The following KIF26B variants were observed in gnomAD, a reference collection of about 807,000 sequenced individuals.
The protein encoded by KIF26B is kinesin family member 26B, also known as kinesin-like protein KIF26B.
Under a neutral mutation model 151.2 loss-of-function variants are expected in KIF26B, and 63 were observed. That is an observed-to-expected ratio of 0.42 (90% CI 0.34 to 0.51). The LOEUF (loss-of-function observed/expected upper bound fraction) is 0.51, where lower values mean the gene tolerates loss of function less well. Ranked by LOEUF, KIF26B falls within the 20% of genes least tolerant of loss-of-function variation. The pLI is 0.07. For synonymous variants in KIF26B, 1,357 were observed against 1,262.1 expected (o/e 1.08, Z -1.59); for missense variants, 2,813 against 2,913.6 (o/e 0.97, Z 0.79).
chr1:245,533,792 CAA>C (rs143809491), intron 4 of KIF26B, among the ~76,000 whole-genome samples: 10 of 140,882 alleles, frequency 7.1e-5, no homozygotes, highest in African/African-American at 2.6e-4. Context: ...TATACAATTA[CAA>C]AAAAAAAAAA....
At chr1:245,651,756 G>T (rs543257987) in intron 10 of KIF26B, among the ~76,000 whole-genome samples, 1 of 152,166 alleles carries the variant, frequency 6.6e-6, no homozygotes, top group Non-Finnish European at 1.5e-5. Flanking sequence ...CTGTGTGTGC[G>T]AGGGATCTAG....
chr1:245,192,800 C>T (rs768410641), intron 2 of KIF26B, among the ~76,000 whole-genome samples: 31 of 152,178 alleles, frequency 2.0e-4, no homozygotes, highest in Non-Finnish European at 4.1e-4. Flanking sequence ...TTGGGGGGTG[C>T]GTGTGCAGGT....
At position 245,241,307 on chromosome 1, in the gene KIF26B, G is replaced by A. The variant is rs539624765; in HGVS notation, c.465+84624G>A. ...GAGGGTGCCCCGACAGAGGAAAAGC[G>A]GCCGGTGGGTTTTAGATCCTCATTT... On this transcript the variant is annotated intron_variant, in intron 2 of 14. Transcript: ENST00000407071. This position sits in a 1 kb window ranked among gnomAD's most constrained non-coding sequence, Gnocchi z 5.0. 3.9e-5 allele frequency among the ~76,000 whole-genome samples: 6 copies of A among 152,278 alleles called. No individual in the cohort carries two copies. The highest frequency in any genetic ancestry group is 6.5e-5 in the Admixed American group (1 of 15,290).
In KIF26B at chr1:245,573,341, A is replaced by G. The variant is rs1054918251; in HGVS notation, c.1351-29236A>G. On this transcript the variant is annotated intron_variant, in intron 5 of 14. Coordinates refer to ENST00000407071, the MANE Select transcript of KIF26B (RefSeq NM_018012.4). ...GTTTGAGACCAGCTTGCCCAACATG[A>G]CGAAACCCCGTCTCTACTAAAAATA... Among the ~76,000 whole-genome samples the G allele has an allele frequency of 5.3e-5, 8 of 152,162 alleles. No individual in the cohort carries two copies. The East Asian group carries it at 1.5e-3, about 29-fold the overall frequency.
chr1:245,425,657 C>T lies in KIF26B; in HGVS notation c.1166+5912C>T, dbSNP rs186648698. Reference sequence around the variant, plus strand: ...CCTGACCTCATGATCCTCCCGCCTCCGCCTCTCAAAGTGCTGGGATTACAG... The same window carrying T: ...CCTGACCTCATGATCCTCCCGCCTCTGCCTCTCAAAGTGCTGGGATTACAG... On this transcript the variant is annotated intron_variant, in intron 4 of 14. Transcript: ENST00000407071. 3.3e-4 allele frequency among the ~76,000 whole-genome samples: 51 copies of T among 152,296 alleles called. No individual in the cohort carries two copies. The East Asian group carries it at 8.1e-3, about 24-fold the overall frequency.
chr1:245,518,722 C>T (rs956869705), intron 4 of KIF26B, among the ~76,000 whole-genome samples: 12 of 152,152 alleles, frequency 7.9e-5, no homozygotes, highest in African/African-American at 2.9e-4. Context: ...TGTAGAACAA[C>T]ATCTTGGATG....
chr1:245,627,815 C>A (rs1256592576), intron 9 of KIF26B, among the ~76,000 whole-genome samples: 1 of 152,176 alleles, frequency 6.6e-6, no homozygotes, highest in Non-Finnish European at 1.5e-5. Context: ...CCTGATCCCA[C>A]AGAAATACAA....
At chr1:245,225,881 T>C (rs1189458419) in intron 2 of KIF26B, 1 of 152,356 alleles carries the variant, frequency 6.6e-6, no homozygotes, top group East Asian at 1.9e-4. Context: ...GAGTGAAATC[T>C]GAACCATATG....
chr1:245,698,967 G>C lies in KIF26B; in HGVS notation c.6108G>C (p.Glu2036Asp). 6.2e-7 allele frequency: 1 copy of C among 1,614,082 alleles called. No homozygotes were observed. Among genetic ancestry groups the C allele is most frequent in the Non-Finnish European group, 8.5e-7 (1 of 1,179,910 alleles). Residue 2036 changes from glutamate to aspartate, a missense_variant, in exon 14 of 15, where the codon GAG (glutamate) becomes GAC (aspartate). Physicochemically the swap from Glu to Asp is conservative, Grantham distance 45. Coordinates refer to ENST00000407071, the MANE Select transcript of KIF26B (RefSeq NM_018012.4). This position sits in a 1 kb window ranked among gnomAD's most constrained non-coding sequence, Gnocchi z 4.0. ...QRIAEVRAKY[E>D]WLMKELEATK... ...TCGCCGAGGTCCGCGCGAAGTACGA[G>C]TGGCTGATGAAGGAGCTGGAGGCGA...
At chr1:245,267,936 A>G (rs552372485) in intron 2 of KIF26B, among the ~76,000 whole-genome samples, 3 of 152,300 alleles carry the variant, frequency 2.0e-5, no homozygotes, top group African/African-American at 7.2e-5. Context: ...CTTATAGCCC[A>G]GCTTTTTATT....
intron 9 of KIF26B, among the ~76,000 whole-genome samples, chr1:245,640,122 G>GCTCGCTCTCTCTCTCCCTCT (rs1553299289): frequency 1.9e-5 from 1 of 53,974 alleles, no homozygotes; most frequent in Non-Finnish European, 3.6e-5. Flanking sequence ...ACTAATATTT[G>GCTCGCTCTCTCTCTCCCTCT]CTCTCTCTCT....
At chr1:245,409,549 C>T (rs756511032) in intron 3 of KIF26B, among the ~76,000 whole-genome samples, 34 of 152,160 alleles carry the variant, frequency 2.2e-4, no homozygotes, top group Admixed American at 1.6e-3. Context: ...CTAGGCCCTG[C>T]GTATCGCCAG....
intron 9 of KIF26B, among the ~76,000 whole-genome samples, chr1:245,631,477 C>G (rs1225149013): frequency 6.6e-6 from 1 of 152,104 alleles, no homozygotes; most frequent in Non-Finnish European, 1.5e-5. Context: ...ATAAATCCCA[C>G]TTGATTATGG....
Position 245,348,168 on chromosome 1 carries a change from A to T in KIF26B, c.466-18666A>T, listed in dbSNP as rs567491113. The stretch of plus-strand genomic sequence containing the variant: ...TTGAGCTCACTACCTATTCCTTCTC[A>T]ATACCTTGTGCTGGTTTCCTCTCAT... On this transcript the variant is annotated intron_variant, in intron 2 of 14. Transcript: ENST00000407071. Among the ~76,000 whole-genome samples the T allele has an allele frequency of 1.8e-4, 28 of 152,210 alleles. No homozygotes were observed. The South Asian group carries it at 5.6e-3, about 30-fold the overall frequency.
chr1:245,416,723 C>T (rs1181539582), intron 3 of KIF26B, among the ~76,000 whole-genome samples: 1 of 152,112 alleles, frequency 6.6e-6, no homozygotes, highest in Non-Finnish European at 1.5e-5. Flanking sequence ...GGCCCCACGG[C>T]AGAAGGAGCA....
intron 11 of KIF26B, 99 bp downstream of exon 11, chr1:245,684,494 C>A (rs1277584199): frequency 3.5e-5 from 44 of 1,250,038 alleles, no homozygotes; most frequent in Admixed American, 1.0e-4. Context: ...TTGCCAATCC[C>A]CCAGCATCAG....
At chr1:245,592,961 C>G (rs2043304021) in intron 5 of KIF26B, among the ~76,000 whole-genome samples, 1 of 152,042 alleles carries the variant, frequency 6.6e-6, no homozygotes, top group African/African-American at 2.4e-5. Context: ...CCTTAGTTGT[C>G]CCCTGGATTT....
chr1:245,216,828 A>G (rs773231303), intron 2 of KIF26B, among the ~76,000 whole-genome samples: 2 of 152,248 alleles, frequency 1.3e-5, no homozygotes, highest in Non-Finnish European at 2.9e-5. Flanking sequence ...TGATCTTCAA[A>G]GGAGGACCAC....
chr1:245,578,694 C>T (rs1034374293), intron 5 of KIF26B, among the ~76,000 whole-genome samples: 2 of 152,216 alleles, frequency 1.3e-5, no homozygotes, highest in Admixed American at 6.5e-5. Context: ...TAAAAGAATT[C>T]TGTTACTGGG....
Sources: gnomAD v4.1 joint callset for allele counts (sites outside exome capture counted in the v4.1 genomes callset) on GRCh38, gnomAD v4.1.1 for gene constraint, Gnocchi (gnomAD v3.1) non-coding constraint, MANE v1.5 for transcripts, NCBI Gene and HGNC (gene_info 2026-07-23, HGNC 2026-07-21) for gene names.